GRB2: variants seen among roughly 807,000 people sequenced by gnomAD.
GRB2 encodes growth factor receptor bound protein 2, also known as growth factor receptor-bound protein 2.
GRB2 carries 2 observed loss-of-function variants against 27.4 expected under a neutral mutation model. The ratio of observed to expected loss-of-function variants is 0.07; its 90% CI spans 0.03 to 0.23. The LOEUF (loss-of-function observed/expected upper bound fraction) is 0.23. Ranked by LOEUF, GRB2 falls within the 10% of genes least tolerant of loss-of-function variation. GRB2 has a pLI of 1.00. For synonymous variants in GRB2, 94 were observed against 99.6 expected (o/e 0.94, Z 0.33); for missense variants, 102 against 282.4 (o/e 0.36, Z 4.58).
At chr17:75,390,774 C>T (rs1332750412) in intron 2 of GRB2, among the ~76,000 whole-genome samples, 1 of 152,152 alleles carries the variant, frequency 6.6e-6, no homozygotes, top group Non-Finnish European at 1.5e-5. Context: ...AGATGTGATC[C>T]TTCTGAACTA....
intron 2 of GRB2, among the ~76,000 whole-genome samples, chr17:75,356,834 T>C (rs2078737047): frequency 6.6e-6 from 1 of 152,206 alleles, no homozygotes; most frequent in South Asian, 2.1e-4. Context: ...TTCCCAGCTT[T>C]TCTTCCTACG....
chr17:75,356,892 CTAA>C (rs2145844522), intron 2 of GRB2, among the ~76,000 whole-genome samples: 1 of 152,346 alleles, frequency 6.6e-6, no homozygotes, highest in Non-Finnish European at 1.5e-5. Flanking sequence ...TCTTATCTCA[CTAA>C]CTTTTAAACA....
intron 2 of GRB2, chr17:75,372,776 C>T (rs2078864242): frequency 6.6e-6 from 1 of 152,180 alleles, no homozygotes; most frequent in Non-Finnish European, 1.5e-5. Context: ...AACAGTGCAG[C>T]TTAGAGTACT....
chr17:75,383,462 C>T (rs976937186), intron 2 of GRB2, among the ~76,000 whole-genome samples: 4 of 152,194 alleles, frequency 2.6e-5, no homozygotes, highest in African/African-American at 9.7e-5. Flanking sequence ...CTGGACTAAT[C>T]ACCTCTTATC....
chr17:75,363,894 A>G (rs1268087527), intron 2 of GRB2, among the ~76,000 whole-genome samples: 1 of 122,878 alleles, frequency 8.1e-6, no homozygotes. Context: ...AAAAAAAAAA[A>G]AAAAGTTTGG....
chr17:75,347,271 G>A (rs1373942003), intron 2 of GRB2, among the ~76,000 whole-genome samples: 2 of 152,118 alleles, frequency 1.3e-5, no homozygotes, highest in East Asian at 1.9e-4. Flanking sequence ...CTGAAAGCCT[G>A]AAAGCCACAC....
intron 3 of GRB2, among the ~76,000 whole-genome samples, chr17:75,328,502 C>T (rs536319324): frequency 5.0e-4 from 75 of 151,454 alleles, no homozygotes; most frequent in Non-Finnish European, 9.9e-4. Flanking sequence ...TAGCAAGGCG[C>T]GGTGGCGCAT....
chr17:75,357,415 G>A (rs1231712248), intron 2 of GRB2, among the ~76,000 whole-genome samples: 2 of 152,172 alleles, frequency 1.3e-5, no homozygotes, highest in Non-Finnish European at 2.9e-5. Context: ...TAGTAAATAC[G>A]CCATAATAAT....
At chr17:75,338,783 T>C in intron 2 of GRB2, 4 of 674,248 alleles carry the variant, frequency 5.9e-6, no homozygotes, top group Non-Finnish European at 8.1e-6. Flanking sequence ...CACAGAAGAA[T>C]TAAAAATATA....
intron 2 of GRB2, among the ~76,000 whole-genome samples, chr17:75,336,595 AAC>A (rs1458389463): frequency 6.6e-6 from 1 of 152,088 alleles, no homozygotes; most frequent in African/African-American, 2.4e-5. Flanking sequence ...TCCCCCAACA[AAC>A]ACAACTCCAG....
chr17:75,393,955 ACAGGCCTGCCGGCCAATGG>A, intron 1 of GRB2, 190 bp from the exon 2 acceptor site: 1 of 412,702 alleles, frequency 2.4e-6, no homozygotes, highest in Non-Finnish European at 4.4e-6. Flanking sequence ...CAGGCGACTG[ACAGGCCTGCCGGCCAATGG>A]CACAGCTGCC....
intron 3 of GRB2, among the ~76,000 whole-genome samples, chr17:75,326,512 C>T (rs998021116): frequency 6.6e-6 from 1 of 152,212 alleles, no homozygotes; most frequent in Non-Finnish European, 1.5e-5. Flanking sequence ...GTTACTTTTG[C>T]TAACAGCCCA....
intron 2 of GRB2, among the ~76,000 whole-genome samples, chr17:75,392,995 TATTA>T (rs2079008059): frequency 6.6e-6 from 1 of 152,226 alleles, no homozygotes; most frequent in Non-Finnish European, 1.5e-5. Flanking sequence ...GGTTGCACCT[TATTA>T]TTTAGAACTC....
chr17:75,350,099 A>C (rs949857942), intron 2 of GRB2, among the ~76,000 whole-genome samples: 4 of 152,028 alleles, frequency 2.6e-5, no homozygotes, highest in African/African-American at 9.7e-5. Context: ...GCACAGTGGC[A>C]TATGCCTGCA....
Position 75,321,662 on chromosome 17 carries a change from T to C in GRB2, c.465A>G (p.Pro155=), listed in dbSNP as rs202184220. 2.5e-6 allele frequency: 4 copies of C among 1,613,954 alleles called. No individual in the cohort carries two copies. Among genetic ancestry groups the C allele is most frequent in the African/African-American group, 1.3e-5 (1 of 75,040 alleles). The change falls in exon 5 of 6, where the codon CCA becomes CCG. Residue 155 remains proline (P), a synonymous_variant. Transcript: ENST00000316804. Reference sequence around the variant, plus strand: ...ATCTCACCCTGATGAGGCTTACCTGTGGCACCTGTTCTATGTCCCGCAGGA... The same window carrying C: ...ATCTCACCCTGATGAGGCTTACCTGCGGCACCTGTTCTATGTCCCGCAGGA... ...QIFLRDIEQV[P]QQPTYVQALF...
chr17:75,402,689 T>G (rs920108933), intron 1 of GRB2, among the ~76,000 whole-genome samples: 2 of 152,180 alleles, frequency 1.3e-5, no homozygotes, highest in African/African-American at 4.8e-5. Flanking sequence ...GATACTAAAT[T>G]TTAAATAACT....
At chr17:75,394,009 T>C (rs965004926) in intron 1 of GRB2, 5 of 273,004 alleles carry the variant, frequency 1.8e-5, no homozygotes, top group Non-Finnish European at 3.5e-5. Flanking sequence ...ACACACTTCC[T>C]CTTCCTTCCC....
At chr17:75,404,304 G>A (rs984808411) in intron 1 of GRB2, among the ~76,000 whole-genome samples, 34 of 152,074 alleles carry the variant, frequency 2.2e-4, no homozygotes, top group Non-Finnish European at 4.4e-4. Context: ...GAGCCTCCCC[G>A]TTCTCAGAGA....
chr17:75,402,170 T>C (rs1471646738), intron 1 of GRB2, among the ~76,000 whole-genome samples: 1 of 152,218 alleles, frequency 6.6e-6, no homozygotes, highest in African/African-American at 2.4e-5. Flanking sequence ...GATGAATATC[T>C]CCTGTAATTT....
Sources: gnomAD v4.1 joint callset for allele counts (sites outside exome capture counted in the v4.1 genomes callset) on GRCh38, gnomAD v4.1.1 for gene constraint, MANE v1.5 for transcripts, NCBI Gene and HGNC (gene_info 2026-07-23, HGNC 2026-07-21) for gene names.